ADCY8: variants seen among roughly 807,000 people sequenced by gnomAD.
ADCY8 encodes the protein adenylate cyclase type 8.
ADCY8 carries 51 observed loss-of-function variants against 119.7 expected under a neutral mutation model. The observed-to-expected ratio is 0.43, with a 90% CI of 0.34 to 0.54. ADCY8 has a LOEUF of 0.54. ADCY8 is among the 20% of genes least tolerant of loss of function. ADCY8 has a pLI of 0.03. For synonymous variants in ADCY8, 665 were observed against 651.0 expected, an observed-to-expected ratio of 1.02 and a Z score of -0.33; for missense variants, 1,383 against 1,598.8, an observed-to-expected ratio of 0.87 and a Z score of 2.30.
At chr8:130,958,921 G>A (rs1292008100) in intron 2 of ADCY8, among the ~76,000 whole-genome samples, 1 of 151,842 alleles carries the variant, frequency 6.6e-6, no homozygotes, top group African/African-American at 2.4e-5. Flanking sequence ...GCTTTATGAT[G>A]ATATACCTTT....
chr8:130,865,126 A>T (rs1586500672), intron 9 of ADCY8, among the ~76,000 whole-genome samples: 1 of 152,236 alleles, frequency 6.6e-6, no homozygotes, highest in East Asian at 1.9e-4. Context: ...TGTGTCTTGC[A>T]GTTCTTTCAG....
At chr8:130,938,822 TC>T (rs1356906589) in intron 4 of ADCY8, among the ~76,000 whole-genome samples, 3 of 152,206 alleles carry the variant, frequency 2.0e-5, no homozygotes, top group Admixed American at 2.0e-4. Context: ...TGTACAGCCA[TC>T]CCAGGATTAT....
At chr8:131,014,512 A>G (rs1212243985) in intron 1 of ADCY8, among the ~76,000 whole-genome samples, 1 of 149,430 alleles carries the variant, frequency 6.7e-6, no homozygotes, top group Non-Finnish European at 1.5e-5. Flanking sequence ...TAACACAGCT[A>G]AGCCTATTTT....
At chr8:130,907,748 T>C (rs1819836132) in intron 6 of ADCY8, among the ~76,000 whole-genome samples, 1 of 152,226 alleles carries the variant, frequency 6.6e-6, no homozygotes, top group Non-Finnish European at 1.5e-5. Flanking sequence ...CTTTCCTTTT[T>C]CAACTTTTAT....
intron 8 of ADCY8, among the ~76,000 whole-genome samples, chr8:130,869,970 C>CTTCT (rs1409387004): frequency 6.9e-6 from 1 of 145,414 alleles, no homozygotes; most frequent in African/African-American, 2.6e-5. Flanking sequence ...TTCCTTCTTC[C>CTTCT]TTCTTCCTCC....
chr8:130,898,318 T>G (rs1488765962), intron 7 of ADCY8, among the ~76,000 whole-genome samples: 1 of 136,940 alleles, frequency 7.3e-6, no homozygotes, highest in East Asian at 2.1e-4. Flanking sequence ...ATGCTACCTG[T>G]CCCGAAGCTC....
chr8:130,963,673 T>C (rs1269915242), intron 2 of ADCY8, among the ~76,000 whole-genome samples: 1 of 152,100 alleles, frequency 6.6e-6, no homozygotes, highest in Non-Finnish European at 1.5e-5. Context: ...GTTTGATGAA[T>C]ACTACAACAG....
At chr8:130,973,376 G>A (rs1586620422) in intron 2 of ADCY8, among the ~76,000 whole-genome samples, 1 of 152,316 alleles carries the variant, frequency 6.6e-6, no homozygotes, top group African/African-American at 2.4e-5. Context: ...GTACATTAGG[G>A]CTTATGTTTT....
At chr8:131,016,469 A>G (rs890135120) in intron 1 of ADCY8, among the ~76,000 whole-genome samples, 1 of 152,250 alleles carries the variant, frequency 6.6e-6, no homozygotes, top group Non-Finnish European at 1.5e-5. Context: ...GCACTACTGC[A>G]CTCTAGCCTG....
chr8:130,981,701 A>G (rs561007801), intron 2 of ADCY8, among the ~76,000 whole-genome samples: 2 of 152,336 alleles, frequency 1.3e-5, no homozygotes, highest in South Asian at 4.1e-4. Flanking sequence ...GGGTAGCATT[A>G]AAAATTTGTA....
chr8:130,985,630 T>C (rs989722223), intron 2 of ADCY8, among the ~76,000 whole-genome samples: 4 of 152,150 alleles, frequency 2.6e-5, no homozygotes, highest in African/African-American at 9.7e-5. Context: ...AGGTCAACCT[T>C]GATTCTCTGA....
intron 17 of ADCY8, 87 bp from the exon 18 acceptor site, chr8:130,780,964 A>C (rs1815060847): frequency 6.6e-7 from 1 of 1,525,264 alleles, no homozygotes; most frequent in Non-Finnish European, 8.9e-7. Flanking sequence ...AGTGATCACT[A>C]TGTGTGGGGT....
chr8:131,039,370 T>C lies in ADCY8; in HGVS notation c.960+4A>G. The C allele has an allele frequency of 6.2e-7, 1 of 1,610,884 alleles. No homozygotes were observed. The highest frequency in any genetic ancestry group is 2.2e-5 in the East Asian group (1 of 44,790). On this transcript the variant is annotated splice_donor_region_variant and intron_variant, in intron 1 of 17. Coordinates refer to ENST00000286355, the MANE Select transcript of ADCY8 (RefSeq NM_001115.3). ...GAAACAAATGCAAGGCAGGCAGGAG[T>C]TACCTGGTTGATGGAAATGACCGCC...
chr8:131,015,271 T>C (rs1823434723), intron 1 of ADCY8, among the ~76,000 whole-genome samples: 1 of 152,154 alleles, frequency 6.6e-6, no homozygotes, highest in South Asian at 2.1e-4. Flanking sequence ...TGATGAAAAG[T>C]GCTATGGAGA....
At chr8:130,987,103 A>G (rs985364000) in intron 2 of ADCY8, among the ~76,000 whole-genome samples, 1 of 152,204 alleles carries the variant, frequency 6.6e-6, no homozygotes, top group Non-Finnish European at 1.5e-5. Flanking sequence ...TGAATAAATG[A>G]ATGAATGATC....
chr8:130,844,157 C>T (rs567135481), intron 11 of ADCY8, among the ~76,000 whole-genome samples: 4 of 152,096 alleles, frequency 2.6e-5, no homozygotes, highest in African/African-American at 9.7e-5. Context: ...AATAAAGGGG[C>T]GTAATTCTAA....
In ADCY8 at chr8:130,891,243, C is replaced by T. The variant is rs754675439; in HGVS notation, c.1912-6482G>A. Among the ~76,000 whole-genome samples, 15 of 152,200 alleles carry T rather than the reference C, an allele frequency of 9.9e-5. No homozygotes were observed. The Middle Eastern group carries it at 0.01, about 104-fold the overall frequency. ...GGTTGTGGAAAAGGCAGAGGTTCCACCTTTCAGTTCTTATGAACTTCCTAT... is the reference window on the plus strand; with the variant it reads ...GGTTGTGGAAAAGGCAGAGGTTCCATCTTTCAGTTCTTATGAACTTCCTAT... On this transcript the variant is annotated intron_variant, in intron 7 of 17. Coordinates refer to ENST00000286355, the MANE Select transcript of ADCY8 (RefSeq NM_001115.3).
chr8:130,816,021 T>G (rs1347212708), intron 13 of ADCY8, among the ~76,000 whole-genome samples: 1 of 152,232 alleles, frequency 6.6e-6, no homozygotes, highest in African/African-American at 2.4e-5. Context: ...ACTGTTGACA[T>G]GAACAGTATG....
chr8:130,854,147 T>C (rs1351218353), intron 9 of ADCY8, among the ~76,000 whole-genome samples: 1 of 152,246 alleles, frequency 6.6e-6, no homozygotes, highest in Non-Finnish European at 1.5e-5. Flanking sequence ...CATTTATTTC[T>C]TTACATGTAA....
Sources: gnomAD v4.1 joint callset for allele counts (sites outside exome capture counted in the v4.1 genomes callset) on GRCh38, gnomAD v4.1.1 for gene constraint, MANE v1.5 for transcripts, NCBI Gene and HGNC (gene_info 2026-07-23, HGNC 2026-07-21) for gene names.